Variants in NLGN1 observed in about 807,000 individuals in gnomAD.
NLGN1 encodes neuroligin-1.
Under a neutral mutation model 65.5 loss-of-function variants are expected in NLGN1, and 12 were observed. The observed-to-expected ratio is 0.18, with a 90% CI of 0.12 to 0.30. The LOEUF is 0.30. Among genes scored for constraint, NLGN1 ranks in the 10% least tolerant of loss-of-function variants. NLGN1 has a pLI of 1.00. For missense variants in NLGN1, 750 were observed against 1,007.1 expected, an observed-to-expected ratio of 0.74 and a Z score of 3.46; for synonymous variants, 350 against 359.5, an observed-to-expected ratio of 0.97 and a Z score of 0.30.
At chr3:174,041,190 T>C (rs1732227788) in intron 4 of NLGN1, among the ~76,000 whole-genome samples, 4 of 152,150 alleles carry the variant, frequency 2.6e-5, no homozygotes, top group Admixed American at 2.0e-4. Flanking sequence ...TTTTTTTAAA[T>C]TGTTTAATAT....
chr3:173,984,040 G>A (rs1017672428), intron 4 of NLGN1, among the ~76,000 whole-genome samples: 25 of 152,152 alleles, frequency 1.6e-4, no homozygotes, highest in African/African-American at 5.5e-4. Context: ...GTCTCAGGAC[G>A]ACTAGCATAT....
chr3:173,865,558 C>T (rs1057062228), intron 4 of NLGN1, among the ~76,000 whole-genome samples: 3 of 151,996 alleles, frequency 2.0e-5, no homozygotes, highest in African/African-American at 7.2e-5. Context: ...CGGATAAAAA[C>T]TTGCAGCACT....
intron 4 of NLGN1, among the ~76,000 whole-genome samples, chr3:173,878,408 T>C (rs1732556136): frequency 1.3e-5 from 2 of 152,204 alleles, no homozygotes; most frequent in African/African-American, 4.8e-5. Flanking sequence ...TAAATACCTT[T>C]CTGTATCTAT....
chr3:174,088,115 T>C (rs1743768827), intron 4 of NLGN1, among the ~76,000 whole-genome samples: 1 of 152,224 alleles, frequency 6.6e-6, no homozygotes, highest in Admixed American at 6.5e-5. Context: ...AGTAATATCA[T>C]AGAATAATAA....
intron 3 of NLGN1, among the ~76,000 whole-genome samples, chr3:173,629,093 CTTTTT>C: frequency 6.9e-6 from 1 of 145,158 alleles, no homozygotes; most frequent in Non-Finnish European, 1.5e-5. Flanking sequence ...TCATCCTTTC[CTTTTT>C]TTTTTTTATT....
intron 4 of NLGN1, among the ~76,000 whole-genome samples, chr3:174,266,617 C>G (rs1748298886): frequency 6.6e-6 from 1 of 152,030 alleles, no homozygotes; most frequent in Non-Finnish European, 1.5e-5. Flanking sequence ...ATTTTAAGTT[C>G]TTCAAGAAAT....
At chr3:174,027,526 A>C (rs924831033) in intron 4 of NLGN1, among the ~76,000 whole-genome samples, 9 of 152,054 alleles carry the variant, frequency 5.9e-5, no homozygotes, top group African/African-American at 1.9e-4. Flanking sequence ...AGGTTTTAGG[A>C]AGAAATTTGG....
rs147800040 is a variant in NLGN1, at chr3:173,980,187, A to G, written c.646+172355A>G. Reference sequence around the variant, plus strand: ...ATTATTCTAAAGCATTAACATATAAACTCCCCATTAAAAATATTATGTATT... The same window carrying G: ...ATTATTCTAAAGCATTAACATATAAGCTCCCCATTAAAAATATTATGTATT... On this transcript the variant is annotated intron_variant, in intron 4 of 6. Coordinates refer to ENST00000457714, the Ensembl canonical transcript of NLGN1. 9.1e-4 allele frequency among the ~76,000 whole-genome samples: 139 copies of G among 152,048 alleles called. 1 individual carries two copies. The East Asian group carries it at 0.024, about 26-fold the overall frequency.
chr3:174,027,357 A>G (rs1729053614), intron 4 of NLGN1, among the ~76,000 whole-genome samples: 1 of 152,094 alleles, frequency 6.6e-6, no homozygotes, highest in African/African-American at 2.4e-5. Flanking sequence ...TCTTCCTAAT[A>G]TAGCTATTTC....
At chr3:173,849,846 T>G (rs1726548610) in intron 4 of NLGN1, among the ~76,000 whole-genome samples, 1 of 152,174 alleles carries the variant, frequency 6.6e-6, no homozygotes, top group Non-Finnish European at 1.5e-5. Flanking sequence ...TCTAACCATT[T>G]AATAGATAAA....
chr3:173,900,182 T>C (rs1737073946), intron 4 of NLGN1, among the ~76,000 whole-genome samples: 1 of 152,132 alleles, frequency 6.6e-6, no homozygotes, highest in African/African-American at 2.4e-5. Flanking sequence ...GTTCTATTTT[T>C]GAGTGCTAAA....
chr3:173,566,923 C>T (rs779150829), intron 2 of NLGN1, among the ~76,000 whole-genome samples: 1 of 151,926 alleles, frequency 6.6e-6, no homozygotes, highest in African/African-American at 2.4e-5. Flanking sequence ...GAGATTTATC[C>T]TCTATCAGTT....
intron 4 of NLGN1, among the ~76,000 whole-genome samples, chr3:174,000,921 C>T (rs1434959228): frequency 6.6e-6 from 1 of 152,126 alleles, no homozygotes; most frequent in African/African-American, 2.4e-5. Flanking sequence ...TCCTGACTTT[C>T]TCTGAATCCC....
At position 174,263,103 on chromosome 3, in the gene NLGN1, A is replaced by C. The variant is rs560637515; in HGVS notation, c.647-12212A>C. On this transcript the variant is annotated intron_variant, in intron 4 of 6. Coordinates refer to ENST00000457714, the Ensembl canonical transcript of NLGN1. ...ATTTGCTGAGGAGAGCTTTACTTCCAAGTATGTGGTCAATTTTGGAATAGG... is the reference window on the plus strand; with the variant it reads ...ATTTGCTGAGGAGAGCTTTACTTCCCAGTATGTGGTCAATTTTGGAATAGG... Among the ~76,000 whole-genome samples, 1,397 of 148,272 alleles carry C rather than the reference A, an allele frequency of 9.4e-3. 14 individuals carry two copies. Among genetic ancestry groups the C allele is most frequent in the Non-Finnish European group, 0.016 (1,063 of 67,424 alleles).
intron 3 of NLGN1, among the ~76,000 whole-genome samples, chr3:173,694,511 A>G (rs536953551): frequency 1.3e-4 from 20 of 152,134 alleles, no homozygotes; most frequent in Non-Finnish European, 2.2e-4. Context: ...TTTTTCTCTC[A>G]TATTGCCTTG....
intron 3 of NLGN1, among the ~76,000 whole-genome samples, chr3:173,806,294 A>G (rs2150438852): frequency 6.6e-6 from 1 of 152,268 alleles, no homozygotes; most frequent in Non-Finnish European, 1.5e-5. Flanking sequence ...TTTACATTAC[A>G]CATTCTATTT....
chr3:173,686,770 T>C (rs532781680), intron 3 of NLGN1, among the ~76,000 whole-genome samples: 228 of 152,060 alleles, frequency 1.5e-3, no homozygotes, highest in African/African-American at 5.3e-3. Flanking sequence ...CTGGCCAACA[T>C]GGTGAAACCC....
At chr3:174,275,159 C>G (rs1247059348) in intron 4 of NLGN1, among the ~76,000 whole-genome samples, 156 bp from the exon 5 acceptor site, 2 of 151,846 alleles carry the variant, frequency 1.3e-5, no homozygotes, top group African/African-American at 4.8e-5. Context: ...ACTATTCTTG[C>G]TAAAGTAAAT....
chr3:173,880,070 G>C (rs1353011237), intron 4 of NLGN1, among the ~76,000 whole-genome samples: 10 of 152,004 alleles, frequency 6.6e-5, no homozygotes, highest in Admixed American at 6.5e-5. Context: ...TATATTGTGT[G>C]TGAAAATCCA....
Sources: allele counts gnomAD v4.1 joint callset (sites outside exome capture counted in the v4.1 genomes callset), GRCh38; gene constraint gnomAD v4.1.1; transcripts MANE v1.5; gene names NCBI Gene and HGNC (gene_info 2026-07-23, HGNC 2026-07-21).